Variants in SCAMP1 observed in about 807,000 individuals in gnomAD.
SCAMP1 encodes the protein secretory carrier-associated membrane protein 1.
Under a neutral mutation model 41.8 loss-of-function variants are expected in SCAMP1, and 15 were observed. That is an observed-to-expected ratio of 0.36 (90% CI 0.24 to 0.55). SCAMP1 has a LOEUF of 0.55. SCAMP1 is among the 20% of genes least tolerant of loss of function. SCAMP1 has a pLI of 0.86. For missense variants in SCAMP1, 341 were observed against 412.6 expected (o/e 0.83, Z 1.50); for synonymous variants, 135 against 136.8 (o/e 0.99, Z 0.09).
intron 6 of SCAMP1, among the ~76,000 whole-genome samples, chr5:78,432,673 T>G (rs182400545): frequency 6.6e-6 from 1 of 152,120 alleles, no homozygotes; most frequent in African/African-American, 2.4e-5. Flanking sequence ...TTGAATATGA[T>G]GTGTTAAAGT....
chr5:78,458,175 G>A (rs536748292), intron 7 of SCAMP1, among the ~76,000 whole-genome samples: 6 of 152,192 alleles, frequency 3.9e-5, no homozygotes, highest in South Asian at 4.2e-4. Context: ...GCTGTAGACC[G>A]GAGCTGTTCC....
intron 6 of SCAMP1, among the ~76,000 whole-genome samples, chr5:78,434,632 T>A (rs961758034): frequency 6.6e-6 from 1 of 152,186 alleles, no homozygotes; most frequent in Admixed American, 6.5e-5. Flanking sequence ...TTTTAAAAAA[T>A]TTTTTAACAT....
At chr5:78,421,666 A>G in intron 5 of SCAMP1, 135 bp from the exon 6 acceptor site, 3 of 772,698 alleles carry the variant, frequency 3.9e-6, no homozygotes, top group Non-Finnish European at 6.3e-6. Context: ...CAGTGTTTTG[A>G]AAAATATAAA....
intron 6 of SCAMP1, among the ~76,000 whole-genome samples, chr5:78,445,963 T>C (rs1047263367): frequency 6.6e-6 from 1 of 152,218 alleles, no homozygotes; most frequent in Admixed American, 6.5e-5. Context: ...GTATTAACGG[T>C]CAGTGTGCAA....
intron 1 of SCAMP1, among the ~76,000 whole-genome samples, chr5:78,385,838 T>C (rs1476824173): frequency 2.6e-5 from 4 of 152,174 alleles, no homozygotes; most frequent in African/African-American, 7.2e-5. Flanking sequence ...TTTCCTTATA[T>C]TTGTTGAGAC....
chr5:78,465,833 C>T (rs1446782206), intron 8 of SCAMP1, among the ~76,000 whole-genome samples: 1 of 152,210 alleles, frequency 6.6e-6, no homozygotes, highest in African/African-American at 2.4e-5. Context: ...CTCTGGTCCA[C>T]AAGTGGGATT....
intron 6 of SCAMP1, among the ~76,000 whole-genome samples, chr5:78,447,776 T>C (rs1753087215): frequency 6.6e-6 from 1 of 150,828 alleles, no homozygotes; most frequent in South Asian, 2.1e-4. Flanking sequence ...GCAAAACTCC[T>C]TTTCAAAAGA....
intron 6 of SCAMP1, among the ~76,000 whole-genome samples, chr5:78,443,660 T>C (rs1752984595): frequency 7.1e-6 from 1 of 141,568 alleles, no homozygotes; most frequent in African/African-American, 2.6e-5. Flanking sequence ...TTGCTTTTTT[T>C]TTTTTTTTTT....
rs1252847540 is a variant in SCAMP1, at chr5:78,476,715, C to T, written c.*1047C>T. On this transcript the variant is annotated 3_prime_UTR_variant, in exon 9 of 9. Coordinates refer to ENST00000621999, the MANE Select transcript of SCAMP1 (RefSeq NM_004866.6). ...TCCAGTGGCATTAAACATAAAAAGA[C>T]CCTGGCATTTTTTCACATACTTGAA... is the stretch of plus-strand genomic sequence containing the variant. The T allele has an allele frequency of 6.6e-6, 1 of 152,410 alleles. No homozygotes were observed. The highest frequency in any genetic ancestry group is 2.4e-5 in the African/African-American group (1 of 41,412). 9.4% of individuals were successfully genotyped at this position (152,410 alleles called of 1,614,324 possible).
intron 6 of SCAMP1, among the ~76,000 whole-genome samples, chr5:78,428,154 G>A (rs1378737737): frequency 6.6e-6 from 1 of 152,116 alleles, no homozygotes; most frequent in Non-Finnish European, 1.5e-5. Flanking sequence ...TCTCCTAGAA[G>A]TTTGTGGTTT....
intron 1 of SCAMP1, among the ~76,000 whole-genome samples, chr5:78,363,041 C>G (rs572876465): frequency 6.6e-6 from 1 of 151,510 alleles, no homozygotes; most frequent in Non-Finnish European, 1.5e-5. Flanking sequence ...TACAGGTGCC[C>G]GCCACCACAC....
intron 5 of SCAMP1, 145 bp from the exon 6 acceptor site, chr5:78,421,656 C>A: frequency 1.4e-6 from 1 of 716,818 alleles, no homozygotes; most frequent in Non-Finnish European, 2.3e-6. Flanking sequence ...TAAGATACAA[C>A]AGTGTTTTGA....
At chr5:78,374,202 A>G (rs1381705220) in intron 1 of SCAMP1, among the ~76,000 whole-genome samples, 1 of 152,134 alleles carries the variant, frequency 6.6e-6, no homozygotes, top group East Asian at 1.9e-4. Context: ...AACAAGAATA[A>G]CATGTTCTTC....
chr5:78,415,371 A>G (rs973093169), intron 2 of SCAMP1, 149 bp from the exon 3 acceptor site: 38 of 594,030 alleles, frequency 6.4e-5, no homozygotes, highest in Non-Finnish European at 1.0e-4. Context: ...GAATTTAAGC[A>G]GCTCTTTGCC....
At chr5:78,435,331 A>G (rs1752722031) in intron 6 of SCAMP1, among the ~76,000 whole-genome samples, 1 of 152,174 alleles carries the variant, frequency 6.6e-6, no homozygotes, top group South Asian at 2.1e-4. Flanking sequence ...GGTTTGCTGC[A>G]CCCATCAACT....
intron 1 of SCAMP1, among the ~76,000 whole-genome samples, chr5:78,386,703 T>C (rs1313126726): frequency 6.6e-6 from 1 of 152,156 alleles, no homozygotes; most frequent in Non-Finnish European, 1.5e-5. Context: ...AAAGTATGTA[T>C]CCTTCATTTA....
At chr5:78,428,894 T>A (rs1752530584) in intron 6 of SCAMP1, among the ~76,000 whole-genome samples, 1 of 152,106 alleles carries the variant, frequency 6.6e-6, no homozygotes, top group African/African-American at 2.4e-5. Context: ...TTATTTTAAT[T>A]TCCTCTTTGG....
intron 7 of SCAMP1, among the ~76,000 whole-genome samples, chr5:78,458,163 G>A (rs949148730): frequency 4.6e-5 from 7 of 152,066 alleles, no homozygotes; most frequent in Non-Finnish European, 1.0e-4. Context: ...CTCTCGCTGG[G>A]AGCTGTAGAC....
In SCAMP1 at chr5:78,480,469, A is replaced by T. The variant is rs544355851; in HGVS notation, c.*4801A>T. On this transcript the variant is annotated 3_prime_UTR_variant, in exon 9 of 9. Coordinates refer to ENST00000621999, the MANE Select transcript of SCAMP1 (RefSeq NM_004866.6). ...ATGCCAGTGATTCTCAAGATAAATC[A>T]TGATTGTAGTAGTTGTTACTGTTGG... Among the ~76,000 whole-genome samples, 1 of 152,192 alleles carries T rather than the reference A, an allele frequency of 6.6e-6. No homozygotes were observed. The highest frequency in any genetic ancestry group is 2.4e-5 in the African/African-American group (1 of 41,432).
Sources: allele counts gnomAD v4.1 joint callset (sites outside exome capture counted in the v4.1 genomes callset), GRCh38; gene constraint gnomAD v4.1.1; transcripts MANE v1.5; gene names NCBI Gene and HGNC (gene_info 2026-07-23, HGNC 2026-07-21).